The following PRTFDC1 variants were observed in gnomAD, a reference collection of about 807,000 sequenced individuals.
PRTFDC1 encodes the protein phosphoribosyl transferase domain containing 1.
In PRTFDC1, 38 loss-of-function variants were observed where a neutral mutation model predicts 34.6. That is an observed-to-expected ratio of 1.10 (90% confidence interval 0.85 to 1.44). The LOEUF is 1.44. Among genes scored for constraint, PRTFDC1 ranks in the 40% most tolerant of loss-of-function variants. The pLI, the probability that PRTFDC1 is intolerant of heterozygous loss-of-function variation, is 0.00. For synonymous variants in PRTFDC1, 93 were observed against 98.1 expected (o/e 0.95, Z 0.31); for missense variants, 270 against 283.0 (o/e 0.95, Z 0.33).
intron 3 of PRTFDC1, among the ~76,000 whole-genome samples, chr10:24,872,777 T>TGC (rs1491389794): frequency 3.1e-4 from 11 of 35,134 alleles, no homozygotes; most frequent in Non-Finnish European, 7.2e-4. Flanking sequence ...TATATATATA[T>TGC]GTGTGTGTGT....
At chr10:24,906,653 A>G (rs953284379) in intron 3 of PRTFDC1, among the ~76,000 whole-genome samples, 5 of 152,222 alleles carry the variant, frequency 3.3e-5, no homozygotes, top group Non-Finnish European at 7.3e-5. Context: ...CATTTCTGCT[A>G]AGGGACCAGT....
At chr10:24,880,528 G>C (rs1339432043) in intron 3 of PRTFDC1, among the ~76,000 whole-genome samples, 1 of 152,154 alleles carries the variant, frequency 6.6e-6, no homozygotes, top group Non-Finnish European at 1.5e-5. Flanking sequence ...TTGGTTTTGT[G>C]ATTTATTCTT....
chr10:24,870,562 C>T (rs1847853429), intron 4 of PRTFDC1, among the ~76,000 whole-genome samples: 1 of 152,164 alleles, frequency 6.6e-6, no homozygotes, highest in South Asian at 2.1e-4. Context: ...GACGTATTAG[C>T]TAAAGACCAC....
chr10:24,853,003 C>G (rs887927395), intron 7 of PRTFDC1, among the ~76,000 whole-genome samples: 5 of 151,862 alleles, frequency 3.3e-5, no homozygotes, highest in Non-Finnish European at 7.4e-5. Flanking sequence ...GAGTCCCTTG[C>G]TAGGAAGCCT....
chr10:24,931,907 C>A (rs1848978224), intron 3 of PRTFDC1, among the ~76,000 whole-genome samples: 1 of 102,738 alleles, frequency 9.7e-6, no homozygotes, highest in African/African-American at 4.9e-5. Flanking sequence ...GAAAAAGGCA[C>A]TATAAGAAAA....
intron 1 of PRTFDC1, among the ~76,000 whole-genome samples, chr10:24,947,630 A>ATT (rs71399942): frequency 5.9e-5 from 9 of 151,762 alleles, no homozygotes; most frequent in Non-Finnish European, 1.5e-5. Flanking sequence ...ATTAAAAATA[A>ATT]TTTTTTTTGT....
At chr10:24,871,464 A>G (rs1847865857) in intron 4 of PRTFDC1, among the ~76,000 whole-genome samples, 2 of 152,192 alleles carry the variant, frequency 1.3e-5, no homozygotes, top group South Asian at 2.1e-4. Context: ...TTGGAACTCC[A>G]AGTTAAAACT....
At chr10:24,914,529 C>T (rs1251157690) in intron 3 of PRTFDC1, among the ~76,000 whole-genome samples, 2 of 152,184 alleles carry the variant, frequency 1.3e-5, no homozygotes, top group Non-Finnish European at 2.9e-5. Context: ...GGCACACTCT[C>T]AGGCAGCAAG....
rs766174904 is a variant in PRTFDC1 at position 24,856,932 on chromosome 10, T to A, written c.487A>T (p.Asn163Tyr). The change falls in exon 6 of 9, where the codon AAC (asparagine) becomes TAC (tyrosine). Residue 163 changes from asparagine to tyrosine, a missense_variant. By Grantham distance (143) the Asn-to-Tyr change is moderately radical. Transcript: ENST00000320152. ...ACTCACCTGGCTACCTTAATCATGT[T>A]GGGCTTGTATTTCTCTATATTGCTG... The part of the protein sequence containing the change: ...LLSNIEKYKP[N>Y]MIKVASLLVK... 6.2e-7 allele frequency: 1 copy of A among 1,613,104 alleles called. No homozygotes were observed. The highest frequency in any genetic ancestry group is 8.5e-7 in the Non-Finnish European group (1 of 1,179,030).
intron 3 of PRTFDC1, among the ~76,000 whole-genome samples, chr10:24,879,067 A>G (rs1413235511): frequency 6.6e-6 from 1 of 152,198 alleles, no homozygotes; most frequent in African/African-American, 2.4e-5. Context: ...CAAGCTGGAG[A>G]GCTCCTAATT....
intron 3 of PRTFDC1, among the ~76,000 whole-genome samples, chr10:24,906,533 T>A (rs909125981): frequency 6.6e-6 from 1 of 152,152 alleles, no homozygotes; most frequent in Non-Finnish European, 1.5e-5. Context: ...ATGACTTGTA[T>A]GAATGAATGA....
At chr10:24,880,868 T>C (rs12263030) in intron 3 of PRTFDC1, among the ~76,000 whole-genome samples, 5 of 144,450 alleles carry the variant, frequency 3.5e-5, no homozygotes, top group African/African-American at 1.1e-4. Context: ...TCTTTCTTTC[T>C]TTCTTTCTTT....
At chr10:24,934,237 A>T (rs1304846954) in intron 3 of PRTFDC1, among the ~76,000 whole-genome samples, 3 of 96,028 alleles carry the variant, frequency 3.1e-5, no homozygotes, top group Admixed American at 2.9e-4. Context: ...AAGAAGAAGA[A>T]GAAGAAGAAG....
At chr10:24,901,044 G>A (rs1235161393) in intron 3 of PRTFDC1, among the ~76,000 whole-genome samples, 1 of 152,090 alleles carries the variant, frequency 6.6e-6, no homozygotes, top group Non-Finnish European at 1.5e-5. Flanking sequence ...TTATAGCATC[G>A]GAAATGTGTC....
chr10:24,887,587 GTCAA>G (rs2132534658), intron 3 of PRTFDC1, among the ~76,000 whole-genome samples: 1 of 151,976 alleles, frequency 6.6e-6, no homozygotes, highest in Non-Finnish European at 1.5e-5. Context: ...AGAACTGTGA[GTCAA>G]ACCTCTTTCC....
rs140234531 is a variant in PRTFDC1 at position 24,891,121 on chromosome 10, A to G, written c.340-19058T>C. Among the ~76,000 whole-genome samples, 119 of 152,318 alleles carry G rather than the reference A, an allele frequency of 7.8e-4. 2 individuals carry two copies. In the East Asian group the frequency reaches 0.021, roughly 26 times the overall value. On this transcript the variant is annotated intron_variant, in intron 3 of 8. Transcript: ENST00000320152. Reference sequence around the variant, plus strand: ...CCAATTTTGTATTTACTGACCAGTTATGCCAAGGGTTGAAGCTACATAGAA... The same window carrying G: ...CCAATTTTGTATTTACTGACCAGTTGTGCCAAGGGTTGAAGCTACATAGAA...
At chr10:24,912,423 G>A (rs1238158739) in intron 3 of PRTFDC1, among the ~76,000 whole-genome samples, 1 of 150,888 alleles carries the variant, frequency 6.6e-6, no homozygotes, top group Non-Finnish European at 1.5e-5. Flanking sequence ...TGACTTCCTG[G>A]TTATAGGCAT....
At chr10:24,884,841 C>T (rs1227867595) in intron 3 of PRTFDC1, among the ~76,000 whole-genome samples, 4 of 152,152 alleles carry the variant, frequency 2.6e-5, no homozygotes, top group Non-Finnish European at 5.9e-5. Context: ...TAATGATGCT[C>T]CCTTCAGCCC....
At chr10:24,908,246 T>C (rs996577755) in intron 3 of PRTFDC1, 7 of 423,842 alleles carry the variant, frequency 1.7e-5, no homozygotes, top group Non-Finnish European at 2.9e-5. Flanking sequence ...TGCGTTGAAT[T>C]GAACATGTCA....
Sources: gnomAD v4.1 joint callset for allele counts (sites outside exome capture counted in the v4.1 genomes callset) on GRCh38, gnomAD v4.1.1 for gene constraint, MANE v1.5 for transcripts, NCBI Gene and HGNC (gene_info 2026-07-23, HGNC 2026-07-21) for gene names.